Variants in UNKL observed in about 807,000 individuals in gnomAD.
UNKL encodes the protein unk like zinc finger.
A neutral mutation model predicts 78.0 loss-of-function variants in UNKL; 60 were observed. That is an observed-to-expected ratio of 0.77 (90% CI 0.63 to 0.95). UNKL has a LOEUF of 0.95. Among genes scored for constraint, UNKL ranks in the 40% least tolerant of loss-of-function variants. UNKL has a pLI of 0.00. For synonymous variants in UNKL, 608 were observed against 474.8 expected, an observed-to-expected ratio of 1.28 and a Z score of -3.65; for missense variants, 1,159 against 1,045.7, an observed-to-expected ratio of 1.11 and a Z score of -1.49.
chr16:1,384,118 G>A (rs1477179500), intron 10 of UNKL, among the ~76,000 whole-genome samples: 2 of 152,120 alleles, frequency 1.3e-5, no homozygotes, highest in African/African-American at 2.4e-5. Flanking sequence ...TTGGGCGCTG[G>A]TGGCCATGGA....
chr16:1,412,961 G>A (rs1217364521), intron 2 of UNKL, among the ~76,000 whole-genome samples: 3 of 151,996 alleles, frequency 2.0e-5, no homozygotes, highest in Non-Finnish European at 4.4e-5. Flanking sequence ...ATCAGAGTGG[G>A]AAACAGCTAG....
chr16:1,395,753 A>T (rs1003941991), intron 6 of UNKL: 2 of 456,516 alleles, frequency 4.4e-6, no homozygotes, highest in Admixed American at 2.3e-5. Flanking sequence ...TGGGGTCTGC[A>T]ACCAGGCCTG....
At chr16:1,379,323 GCTCTC>G in intron 10 of UNKL, 1 of 251,136 alleles carries the variant, frequency 4.0e-6, no homozygotes, top group Non-Finnish European at 6.3e-6. Context: ...GCTCCGCTCC[GCTCTC>G]CTGCCCCGCT....
rs2037364450 is a variant in UNKL at position 1,398,299 on chromosome 16, T to C, written c.735-1004A>G. ...CTCATAAAAAAACAAAATCCTCTAC[T>C]CTTCGTGGAATCTCTAGCTGCTTTA... On this transcript the variant is annotated intron_variant, in intron 5 of 14. Transcript: ENST00000389221. 7.0e-6 allele frequency: 7 copies of C among 999,352 alleles called. No homozygotes were observed. In the South Asian group the frequency reaches 2.9e-4, roughly 42 times the overall value. 61.9% of individuals were successfully genotyped at this position (999,352 alleles called of 1,614,324 possible). A position where few individuals can be genotyped will look rare whatever the true frequency, so the allele number is the denominator to read the frequency against.
intron 10 of UNKL, chr16:1,379,082 CACCGCGACACAGCCCGGCTCT>C (rs2036454214): frequency 6.6e-6 from 1 of 152,272 alleles, no homozygotes; most frequent in South Asian, 2.1e-4. Flanking sequence ...CCCGCTGAGT[CACCGCGACACAGCCCGGCTCT>C]GCCGTGACAC....
chr16:1,385,223 C>T lies in UNKL; in HGVS notation c.1249G>A (p.Val417Met). ...ALPLGPASST[V>M]EAVLGSALDL... ...CTGGACTTACCGAGGACGGCCTCCA[C>T]AGTGCTGCTGGCGGGGCCGAGCGGG... Residue 417 changes from valine (V) to methionine (M), a missense_variant, in exon 10 of 15, where the codon GTG becomes ATG. Val to Met is a conservative substitution (Grantham distance 21, BLOSUM62 1). Coordinates refer to ENST00000389221, the MANE Select transcript of UNKL (RefSeq NM_001372107.1). 7.7e-7 allele frequency: 1 copy of T among 1,291,908 alleles called. No individual in the cohort carries two copies. The highest frequency in any genetic ancestry group is 1.5e-5 in the African/African-American group (1 of 64,646). 80.0% of individuals were successfully genotyped at this position (1,291,908 alleles called of 1,614,324 possible).
At chr16:1,414,093 G>A (rs2038170953) in intron 1 of UNKL, 38 bp from the exon 2 acceptor site, 2 of 1,516,190 alleles carry the variant, frequency 1.3e-6, no homozygotes, top group African/African-American at 1.4e-5. Context: ...GCTTCCGGCA[G>A]CACCTCCAGG....
chr16:1,367,701 C>T lies in UNKL; in HGVS notation c.1743G>A (p.Lys581=). 1 of 1,582,496 alleles carries T rather than the reference C, an allele frequency of 6.3e-7. No individual in the cohort carries two copies. The highest frequency in any genetic ancestry group is 8.6e-7 in the Non-Finnish European group (1 of 1,165,280). ...ARVRRQLDEA[K]RKIRQWEESW... is the part of the protein sequence containing the mutation. ...ACTCCTCCCACTGCCGGATCTTCCTCTTGGCCTCGTCCAGCTGCCGCCTGA... is the reference window on the plus strand; with the variant it reads ...ACTCCTCCCACTGCCGGATCTTCCTTTTGGCCTCGTCCAGCTGCCGCCTGA... Residue 581 remains lysine (K), a synonymous_variant, in exon 13 of 15, where the codon AAG becomes AAA. Transcript: ENST00000389221.
chr16:1,399,234 G>T lies in UNKL; in HGVS notation c.734+140C>A. On this transcript the variant is annotated intron_variant, in intron 5 of 14. Coordinates refer to ENST00000389221, the MANE Select transcript of UNKL (RefSeq NM_001372107.1). The surrounding 1 kb of genome is among the most constrained non-coding windows in gnomAD (Gnocchi z 5.8). Reference sequence around the variant, plus strand: ...GGCACCTCCCACAGCCACTGTGCTTGGAGATGCCCTCCCCTCCCGGGGATG... The same window carrying T: ...GGCACCTCCCACAGCCACTGTGCTTTGAGATGCCCTCCCCTCCCGGGGATG... The T allele has an allele frequency of 7.3e-7, 1 of 1,365,086 alleles. No homozygotes were observed. Among genetic ancestry groups the T allele is most frequent in the Non-Finnish European group, 9.6e-7 (1 of 1,037,910 alleles). 84.6% of individuals were successfully genotyped at this position (1,365,086 alleles called of 1,614,324 possible).
At chr16:1,380,664 T>C (rs1198392375) in intron 10 of UNKL, among the ~76,000 whole-genome samples, 5 of 127,448 alleles carry the variant, frequency 3.9e-5, no homozygotes, top group African/African-American at 1.5e-4. Flanking sequence ...TCTGAGTAGC[T>C]GGTTCAGGAT....
rs2034974791 is a variant in UNKL at position 1,363,226 on chromosome 16, A to G, written c.*3014T>C. ...AAACAAAGATTCAAGGTTTTAATTAATTCCCATACTGATAAAAATAACTCC... is the reference window on the plus strand; with the variant it reads ...AAACAAAGATTCAAGGTTTTAATTAGTTCCCATACTGATAAAAATAACTCC... On this transcript the variant is annotated 3_prime_UTR_variant, in exon 15 of 15. Transcript: ENST00000389221. 3 of 740,830 alleles carry G rather than the reference A, an allele frequency of 4.0e-6. No homozygotes were observed. In the Admixed American group the frequency reaches 6.3e-5, roughly 15 times the overall value. 45.9% of individuals were successfully genotyped at this position (740,830 alleles called of 1,614,324 possible). A position where few individuals can be genotyped will look rare whatever the true frequency, so the allele number is the denominator to read the frequency against.
In UNKL at chr16:1,413,998, C is replaced by T. The variant is rs1327833972; in HGVS notation, c.135G>A (p.Ala45=). The stretch of plus-strand genomic sequence containing the variant: ...GGAAGCAGGTGAACGGCCGGTGCTG[C>T]GCGCACTTGTGCTGTGAAAACAGGG... The part of the protein sequence containing the change: ...QCPLFSQHKC[A]QHRPFTCFHW... The change falls in exon 2 of 15, where the codon GCG becomes GCA. Residue 45 remains alanine, a synonymous_variant. Coordinates refer to ENST00000389221, the MANE Select transcript of UNKL (RefSeq NM_001372107.1). The T allele has an allele frequency of 1.3e-6, 2 of 1,551,772 alleles. No individual in the cohort carries two copies. The highest frequency in any genetic ancestry group is 2.4e-5 in the East Asian group (1 of 40,940).
intron 6 of UNKL, chr16:1,395,850 G>A (rs1178843802): frequency 4.6e-6 from 2 of 435,006 alleles, no homozygotes; most frequent in South Asian, 1.6e-5. Flanking sequence ...CCGACACCCA[G>A]AAAGCATGAT....
rs76372895 is a variant in UNKL, at chr16:1,390,440, G to A, written c.1086+192C>T. On this transcript the variant is annotated intron_variant, in intron 9 of 14. Coordinates refer to ENST00000389221, the MANE Select transcript of UNKL (RefSeq NM_001372107.1). Reference sequence around the variant, plus strand: ...ACGAACGTTTCAAACAGACAAACACGGGGGTACCAGGAAAGAGCTAATTCT... The same window carrying A: ...ACGAACGTTTCAAACAGACAAACACAGGGGTACCAGGAAAGAGCTAATTCT... 8.0e-3 allele frequency among the ~76,000 whole-genome samples: 1,220 copies of A among 152,334 alleles called. 20 individuals carry two copies. The highest frequency in any genetic ancestry group is 0.028 in the African/African-American group (1,167 of 41,572).
Position 1,363,997 on chromosome 16 carries a change from C to CT in UNKL, c.*2242dup, listed in dbSNP as rs2035038230. 6.6e-6 allele frequency: 1 copy of CT among 152,194 alleles called. No individual in the cohort carries two copies. Among genetic ancestry groups the CT allele is most frequent in the African/African-American group, 2.4e-5 (1 of 41,444 alleles). The allele number at this position is 152,194 out of a possible 1,614,324, so 9.4% of individuals were successfully genotyped here. On this transcript the variant is annotated 3_prime_UTR_variant, in exon 15 of 15. Coordinates refer to ENST00000389221, the MANE Select transcript of UNKL (RefSeq NM_001372107.1). ...CTGGCAGACTAGAGCTCAGCTGCTC[C>CT]TGACCACTGACAACCGGGAGATGTC...
At chr16:1,413,728 C>G in intron 2 of UNKL, 118 bp downstream of exon 2, 1 of 1,151,006 alleles carries the variant, frequency 8.7e-7, no homozygotes, top group Non-Finnish European at 1.2e-6. Flanking sequence ...ATAATTACGA[C>G]TCCCTCTGCA....
intron 12 of UNKL, 54 bp from the exon 13 acceptor site, chr16:1,367,912 G>T: frequency 1.4e-6 from 2 of 1,466,642 alleles, no homozygotes; most frequent in Non-Finnish European, 1.8e-6. Context: ...GCGGCCTGGT[G>T]GGATTGGTGG....
intron 8 of UNKL, among the ~76,000 whole-genome samples, chr16:1,392,337 G>A (rs564872367): frequency 6.6e-6 from 1 of 152,296 alleles, no homozygotes; most frequent in South Asian, 2.1e-4. Context: ...AGGAGAGACT[G>A]CAGATTGAGG....
intron 9 of UNKL, among the ~76,000 whole-genome samples, chr16:1,390,281 C>A (rs1236437173): frequency 6.6e-6 from 1 of 152,184 alleles, no homozygotes; most frequent in Non-Finnish European, 1.5e-5. Flanking sequence ...CCACCGTGCC[C>A]GGCAAGTTCT....
Sources: allele counts gnomAD v4.1 joint callset (sites outside exome capture counted in the v4.1 genomes callset), GRCh38; gene constraint gnomAD v4.1.1; non-coding constraint Gnocchi (gnomAD v3.1); transcripts MANE v1.5; gene names NCBI Gene and HGNC (gene_info 2026-07-23, HGNC 2026-07-21).